MDH1B: variants seen among roughly 807,000 people sequenced by gnomAD.
MDH1B encodes putative malate dehydrogenase 1B.
In MDH1B, 60 loss-of-function variants were observed where a neutral mutation model predicts 61.4. The ratio of observed to expected loss-of-function variants is 0.98; its 90% CI spans 0.79 to 1.21. The LOEUF (loss-of-function observed/expected upper bound fraction) is 1.21. Ranked by LOEUF, MDH1B falls within the 50% of genes most tolerant of loss-of-function variation. The pLI is 0.00. For missense variants in MDH1B, 587 were observed against 632.1 expected, an observed-to-expected ratio of 0.93 and a Z score of 0.76; for synonymous variants, 236 against 218.7, an observed-to-expected ratio of 1.08 and a Z score of -0.70.
rs1687809653 is a variant in MDH1B at position 206,741,523 on chromosome 2, G to A, written c.1409-419C>T. On this transcript the variant is annotated intron_variant, in intron 9 of 11. Transcript: ENST00000374412. ...AGAAAAATGTGAAAAGGTGAGAATT[G>A]CCTAGCCTCCTAGCCTACATTTTTC... 5 of 210,834 alleles carry A rather than the reference G, an allele frequency of 2.4e-5. No homozygotes were observed. In the South Asian group the frequency reaches 3.4e-4, roughly 15 times the overall value. The allele number at this position is 210,834 out of a possible 1,614,324, so 13.1% of individuals were successfully genotyped here.
Position 206,755,391 on chromosome 2 carries a change from A to G in MDH1B, c.528T>C (p.His176=). ...GGGTCTCCACCACAAGGCTTTTGAGATGTTCTTCCGCCTGCTTGTTGTCAA... is the reference window on the plus strand; with the variant it reads ...GGGTCTCCACCACAAGGCTTTTGAGGTGTTCTTCCGCCTGCTTGTTGTCAA... ...TLFDNKQAEE[H]LKSLVVETQD... is the part of the protein sequence containing the mutation. The change falls in exon 5 of 12, where the codon CAT becomes CAC. Residue 176 remains histidine (H), a synonymous_variant. Coordinates refer to ENST00000374412, the MANE Select transcript of MDH1B (RefSeq NM_001039845.3). 6.2e-7 allele frequency: 1 copy of G among 1,614,152 alleles called. No individual in the cohort carries two copies. The highest frequency in any genetic ancestry group is 8.5e-7 in the Non-Finnish European group (1 of 1,180,030).
At chr2:206,759,325 C>T (rs1156481162) in intron 2 of MDH1B, among the ~76,000 whole-genome samples, 3 of 152,138 alleles carry the variant, frequency 2.0e-5, no homozygotes, top group Admixed American at 6.6e-5. Context: ...CATTCCTTTT[C>T]GTGGCTGTGT....
At chr2:206,762,149 ACT>A (rs1038390263) in intron 1 of MDH1B, among the ~76,000 whole-genome samples, 6 of 149,858 alleles carry the variant, frequency 4.0e-5, no homozygotes, top group African/African-American at 1.5e-4. Context: ...CCTTATCAGC[ACT>A]CTCTTCTGTT....
Position 206,750,649 on chromosome 2 carries a change from A to G in MDH1B, c.1052+285T>C, listed in dbSNP as rs79021180. On this transcript the variant is annotated intron_variant, in intron 6 of 11. Coordinates refer to ENST00000374412, the MANE Select transcript of MDH1B (RefSeq NM_001039845.3). ...GGATAGATAGCTCTGTCTTTACACG[A>G]AGTAAGATTCCCTTATACATGCTTG... Among the ~76,000 whole-genome samples the G allele has an allele frequency of 9.0e-4, 137 of 152,236 alleles. 4 individuals carry two copies. In the East Asian group the frequency reaches 0.024, roughly 27 times the overall value.
At chr2:206,756,619 G>A (rs767523858) in intron 4 of MDH1B, 44 of 361,702 alleles carry the variant, frequency 1.2e-4, no homozygotes, top group Non-Finnish European at 2.0e-4. Flanking sequence ...AGTCAGAGAG[G>A]GTGAGCTTCT....
At chr2:206,754,592 A>C (rs1291695457) in intron 5 of MDH1B, among the ~76,000 whole-genome samples, 2 of 152,210 alleles carry the variant, frequency 1.3e-5, no homozygotes, top group Non-Finnish European at 2.9e-5. Flanking sequence ...CTCATTTTAC[A>C]GATGAGGAAA....
chr2:206,747,404 C>T (rs6435346), intron 7 of MDH1B, among the ~76,000 whole-genome samples: 59,741 of 152,012 alleles, frequency 0.39, 14,473 homozygotes, highest in East Asian at 0.76. Context: ...TTTTTGAATA[C>T]AATTCCTACA....
At chr2:206,740,770 A>T (rs932720733) in intron 10 of MDH1B, among the ~76,000 whole-genome samples, 5 of 152,192 alleles carry the variant, frequency 3.3e-5, no homozygotes, top group African/African-American at 4.8e-5. Context: ...AGAATTGAGA[A>T]GAAAAGGGAA....
In MDH1B at chr2:206,738,434, A is replaced by G. The variant is rs371880231; in HGVS notation, c.*49T>C. Reference sequence around the variant, plus strand: ...ATAGACATTCATATAAATTCTTTCTATGTTTATTGTGCTATCAAGTAATTA... The same window carrying G: ...ATAGACATTCATATAAATTCTTTCTGTGTTTATTGTGCTATCAAGTAATTA... On this transcript the variant is annotated 3_prime_UTR_variant, in exon 12 of 12. Coordinates refer to ENST00000374412, the MANE Select transcript of MDH1B (RefSeq NM_001039845.3). 4 of 1,354,668 alleles carry G rather than the reference A, an allele frequency of 3.0e-6. No homozygotes were observed. The highest frequency in any genetic ancestry group is 4.1e-6 in the Non-Finnish European group (4 of 974,992). The allele number at this position is 1,354,668 out of a possible 1,614,324, so 83.9% of individuals were successfully genotyped here.
chr2:206,754,910 T>G, intron 5 of MDH1B, 99 bp downstream of exon 5: 1 of 1,309,864 alleles, frequency 7.6e-7, no homozygotes, highest in Non-Finnish European at 1.0e-6. Flanking sequence ...CTATTCCAGA[T>G]ACTCAGAATG....
intron 1 of MDH1B, among the ~76,000 whole-genome samples, 171 bp from the exon 2 acceptor site, chr2:206,761,184 T>C (rs1193169611): frequency 6.6e-6 from 1 of 152,178 alleles, no homozygotes; most frequent in Non-Finnish European, 1.5e-5. Flanking sequence ...ATTAGATTAA[T>C]ACAAATAAAA....
At chr2:206,765,112 G>C in intron 1 of MDH1B, 138 bp downstream of exon 1, 1 of 1,074,562 alleles carries the variant, frequency 9.3e-7, no homozygotes, top group Non-Finnish European at 1.3e-6. Flanking sequence ...CACCGTCACG[G>C]TCCAGTAAAA....
intron 6 of MDH1B, among the ~76,000 whole-genome samples, chr2:206,750,648 G>A (rs772799237): frequency 2.6e-5 from 4 of 151,932 alleles, no homozygotes; most frequent in South Asian, 2.1e-4. Context: ...GTCTTTACAC[G>A]AAGTAAGATT....
At chr2:206,739,704 C>A (rs1426721488) in intron 10 of MDH1B, 43 bp from the exon 11 acceptor site, 1 of 1,577,032 alleles carries the variant, frequency 6.3e-7, no homozygotes, top group East Asian at 2.2e-5. Flanking sequence ...ATGTAAAGCG[C>A]AATAATTTTT....
intron 5 of MDH1B, among the ~76,000 whole-genome samples, chr2:206,753,881 C>T (rs945637602): frequency 6.6e-6 from 1 of 151,242 alleles, no homozygotes; most frequent in African/African-American, 2.4e-5. Context: ...CAACCCCACA[C>T]CCCACCCACA....
chr2:206,745,305 C>T lies in MDH1B; in HGVS notation c.1408+317G>A, dbSNP rs76753406. ...ACATCAGGTCTTCTAGTCTCCTGAG[C>T]TGTGAACAAGTAAATTTCTGTTGTT... is the stretch of plus-strand genomic sequence containing the variant. On this transcript the variant is annotated intron_variant, in intron 9 of 11. Transcript: ENST00000374412. 1,165 of 494,084 alleles carry T rather than the reference C, an allele frequency of 2.4e-3. 8 individuals carry two copies. Among genetic ancestry groups the T allele is most frequent in the African/African-American group, 0.02 (1,057 of 51,860 alleles). The allele number at this position is 494,084 out of a possible 1,614,324, so 30.6% of individuals were successfully genotyped here.
intron 5 of MDH1B, among the ~76,000 whole-genome samples, chr2:206,754,356 A>G (rs1235507731): frequency 6.6e-6 from 1 of 152,170 alleles, no homozygotes; most frequent in Non-Finnish European, 1.5e-5. Flanking sequence ...TTTCAAATAC[A>G]ACAATCCATT....
chr2:206,747,920 A>C (rs1051631502), intron 7 of MDH1B, among the ~76,000 whole-genome samples: 11 of 151,980 alleles, frequency 7.2e-5, no homozygotes, highest in African/African-American at 2.7e-4. Flanking sequence ...CATGACATCC[A>C]GGTGACAATG....
chr2:206,757,494 A>C (rs532367525), intron 2 of MDH1B, 123 bp from the exon 3 acceptor site: 2 of 706,476 alleles, frequency 2.8e-6, no homozygotes, highest in African/African-American at 1.8e-5. Flanking sequence ...CACATAATAT[A>C]ATTTAGATAT....
Sources: gnomAD v4.1 joint callset for allele counts (sites outside exome capture counted in the v4.1 genomes callset) on GRCh38, gnomAD v4.1.1 for gene constraint, MANE v1.5 for transcripts, NCBI Gene and HGNC (gene_info 2026-07-23, HGNC 2026-07-21) for gene names.